The following INPP5D variants were observed in gnomAD, a reference collection of about 807,000 sequenced individuals.
INPP5D encodes phosphatidylinositol 3,4,5-trisphosphate 5-phosphatase 1.
INPP5D carries 33 observed loss-of-function variants against 122.9 expected under a neutral mutation model. That is an observed-to-expected ratio of 0.27 (90% CI 0.20 to 0.36). INPP5D has a LOEUF of 0.36. Ranked by LOEUF, INPP5D falls within the 10% of genes least tolerant of loss-of-function variation. INPP5D has a pLI of 1.00. For synonymous variants in INPP5D, 584 were observed against 576.2 expected, an observed-to-expected ratio of 1.01 and a Z score of -0.19; for missense variants, 1,053 against 1,412.7, an observed-to-expected ratio of 0.75 and a Z score of 4.08.
chr2:233,157,632 G>A (rs1159208861), intron 9 of INPP5D, among the ~76,000 whole-genome samples: 1 of 144,662 alleles, frequency 6.9e-6, no homozygotes, highest in Non-Finnish European at 1.5e-5. Flanking sequence ...AGGGAGTCAA[G>A]TTGGGGGAGC....
At chr2:233,191,501 G>A (rs756163775) in intron 22 of INPP5D, among the ~76,000 whole-genome samples, 4 of 152,190 alleles carry the variant, frequency 2.6e-5, no homozygotes, top group African/African-American at 4.8e-5. Flanking sequence ...AGTGCCGCGG[G>A]TAAGGGAGAC....
intron 2 of INPP5D, among the ~76,000 whole-genome samples, chr2:233,099,018 C>T (rs1692228929): frequency 6.6e-6 from 1 of 151,854 alleles, no homozygotes; most frequent in South Asian, 2.1e-4. Flanking sequence ...GTGGTGCGAT[C>T]TTGGCTCACT....
intron 4 of INPP5D, among the ~76,000 whole-genome samples, chr2:233,129,547 T>C (rs1214010358): frequency 3.3e-5 from 5 of 152,190 alleles, no homozygotes; most frequent in African/African-American, 1.2e-4. Context: ...ATCTGCACAG[T>C]GAACAAATCC....
intron 22 of INPP5D, among the ~76,000 whole-genome samples, chr2:233,192,509 A>G (rs1395794070): frequency 6.6e-6 from 1 of 152,172 alleles, no homozygotes; most frequent in East Asian, 1.9e-4. Flanking sequence ...TGCTTCCCTC[A>G]CCTGGTATTA....
At chr2:233,090,590 G>A (rs1037859326) in intron 2 of INPP5D, among the ~76,000 whole-genome samples, 1 of 152,156 alleles carries the variant, frequency 6.6e-6, no homozygotes, top group African/African-American at 2.4e-5. Flanking sequence ...CCCTCACACA[G>A]ACACAAGGAC....
At chr2:233,138,803 T>G (rs1046405718) in intron 5 of INPP5D, among the ~76,000 whole-genome samples, 20 of 152,120 alleles carry the variant, frequency 1.3e-4, no homozygotes, top group African/African-American at 4.8e-4. Flanking sequence ...TGGAGTGCAG[T>G]GGTGCGATCT....
At chr2:233,098,422 G>A (rs1193309163) in intron 2 of INPP5D, among the ~76,000 whole-genome samples, 1 of 152,186 alleles carries the variant, frequency 6.6e-6, no homozygotes, top group Non-Finnish European at 1.5e-5. Flanking sequence ...ACGTGGTGCT[G>A]GAGGCGTGGT....
chr2:233,126,001 C>T (rs2106259983), intron 4 of INPP5D, 82 bp downstream of exon 4: 5 of 1,369,248 alleles, frequency 3.7e-6, no homozygotes, highest in Admixed American at 2.3e-5. Context: ...GGGTTTCGAT[C>T]CTAGTTATGG....
chr2:233,062,383 C>A (rs1376891123), intron 1 of INPP5D, among the ~76,000 whole-genome samples: 1 of 152,190 alleles, frequency 6.6e-6, no homozygotes, highest in Non-Finnish European at 1.5e-5. Context: ...GCTGGAGAGG[C>A]CTTGGAGAAG....
chr2:233,179,401 C>T (rs769430706), intron 18 of INPP5D, among the ~76,000 whole-genome samples: 2 of 152,346 alleles, frequency 1.3e-5, no homozygotes, highest in East Asian at 1.9e-4. Context: ...CAGCCTCTGC[C>T]GAGAGTCAGG....
At chr2:233,125,959 G>T (rs749265713) in intron 4 of INPP5D, 40 bp downstream of exon 4, 2 of 1,595,078 alleles carry the variant, frequency 1.3e-6, no homozygotes, top group African/African-American at 2.7e-5. Context: ...TTCATCTGCA[G>T]TGAGCCCAGC....
chr2:233,158,693 C>T (rs576938015), intron 10 of INPP5D, among the ~76,000 whole-genome samples: 1 of 152,326 alleles, frequency 6.6e-6, no homozygotes, highest in Admixed American at 6.5e-5. Flanking sequence ...CCACATCTAA[C>T]TCAGCCCCAC....
chr2:233,060,696 T>G (rs34218488), intron 1 of INPP5D, 84 bp downstream of exon 1: 694,089 of 1,552,148 alleles, frequency 0.45, 158,155 homozygotes, highest in East Asian at 0.6. Flanking sequence ...GTTGTTCTTA[T>G]GTCACAGGAC....
intron 17 of INPP5D, among the ~76,000 whole-genome samples, chr2:233,171,962 C>T (rs561544728): frequency 2.3e-4 from 35 of 152,314 alleles, no homozygotes; most frequent in African/African-American, 8.2e-4. Context: ...GAGTTCTGGG[C>T]CCCATCTGGG....
rs1559313119 is a variant in INPP5D, at chr2:233,137,848, A to T, written c.666-1994A>T. On this transcript the variant is annotated intron_variant, in intron 5 of 26. Coordinates refer to ENST00000445964, the MANE Select transcript of INPP5D (RefSeq NM_001017915.3). ...ACTCCATCACAAAAAAAAAAAAAAA[A>T]AAAAAATATATATATATATATATAT... Among the ~76,000 whole-genome samples, 3 of 14,330 alleles carry T rather than the reference A, an allele frequency of 2.1e-4. 1 individual carries two copies. Among genetic ancestry groups the T allele is most frequent in the Non-Finnish European group, 5.2e-4 (3 of 5,750 alleles). The allele number at this position is 14,330 out of a possible 152,430, so 9.4% of individuals were successfully genotyped here. A position where few individuals can be genotyped will look rare whatever the true frequency, so the allele number is the denominator to read the frequency against.
At position 233,146,186 on chromosome 2, in the gene INPP5D, A is replaced by G; in HGVS notation, c.778A>G (p.Asn260Asp). ...GGTTCCTGGTGAGGCCAATCCCATC[A>G]ACATGGTGTCCAAGCTCAGCCAACT... ...PQVPGEANPI[N>D]MVSKLSQLTS... is the part of the protein sequence containing the mutation. The change falls in exon 7 of 27, where the codon AAC becomes GAC. Residue 260 changes from asparagine to aspartate, a missense_variant. This residue lies in a region of INPP5D where 196 missense variants were observed against 175.6 expected (regional missense o/e 1.12). Transcript: ENST00000445964. 1.4e-6 allele frequency: 1 copy of G among 704,230 alleles called. No individual in the cohort carries two copies. Among genetic ancestry groups the G allele is most frequent in the Non-Finnish European group, 2.6e-6 (1 of 385,000 alleles). The allele number at this position is 704,230 out of a possible 1,614,324, so 43.6% of individuals were successfully genotyped here. A position where few individuals can be genotyped will look rare whatever the true frequency, so the allele number is the denominator to read the frequency against.
chr2:233,111,082 T>G (rs1692614552), intron 2 of INPP5D, among the ~76,000 whole-genome samples: 1 of 152,238 alleles, frequency 6.6e-6, no homozygotes, highest in Non-Finnish European at 1.5e-5. Flanking sequence ...TTATCATCAT[T>G]TCAGTCATAT....
At chr2:233,117,171 A>G (rs1231372718) in intron 2 of INPP5D, among the ~76,000 whole-genome samples, 1 of 152,148 alleles carries the variant, frequency 6.6e-6, no homozygotes, top group African/African-American at 2.4e-5. Flanking sequence ...TCTTTTCAGG[A>G]AGGCGGCTGC....
At chr2:233,150,995 T>G (rs1693910242) in intron 9 of INPP5D, among the ~76,000 whole-genome samples, 1 of 152,134 alleles carries the variant, frequency 6.6e-6, no homozygotes, top group African/African-American at 2.4e-5. Context: ...TCTCTCACTG[T>G]GGTTCTGGAG....
Sources: gnomAD v4.1 joint callset for allele counts (sites outside exome capture counted in the v4.1 genomes callset) on GRCh38, gnomAD v4.1.1 for gene constraint, gnomAD v4.1.1 regional missense constraint, MANE v1.5 for transcripts, NCBI Gene and HGNC (gene_info 2026-07-23, HGNC 2026-07-21) for gene names.